ATXN1: variants seen among roughly 807,000 people sequenced by gnomAD.
ATXN1 encodes ataxin-1.
ATXN1 carries 8 observed loss-of-function variants against 56.4 expected under a neutral mutation model. The ratio of observed to expected loss-of-function variants is 0.14; its 90% CI spans 0.08 to 0.26. The LOEUF is 0.26. Ranked by LOEUF, ATXN1 falls within the 10% of genes least tolerant of loss-of-function variation. ATXN1 has a pLI of 1.00. For synonymous variants in ATXN1, 514 were observed against 494.6 expected (o/e 1.04, Z -0.52); for missense variants, 987 against 1,106.5 (o/e 0.89, Z 1.53).
intron 5 of ATXN1, among the ~76,000 whole-genome samples, chr6:16,504,160 C>T (rs1760937800): frequency 6.6e-6 from 1 of 152,156 alleles, no homozygotes; most frequent in Non-Finnish European, 1.5e-5. Context: ...CTCCTGCCTA[C>T]TAGCTTAGCT....
chr6:16,685,352 G>A (rs1336773087), intron 2 of ATXN1, among the ~76,000 whole-genome samples: 1 of 152,108 alleles, frequency 6.6e-6, no homozygotes, highest in Non-Finnish European at 1.5e-5. Flanking sequence ...CAGAATAAGT[G>A]GAGTGTGGAG....
intron 6 of ATXN1, among the ~76,000 whole-genome samples, chr6:16,363,022 G>A (rs1761845003): frequency 6.6e-6 from 1 of 152,184 alleles, no homozygotes; most frequent in Admixed American, 6.5e-5. Context: ...CTATATGTAT[G>A]CTGTTCCTTT....
At chr6:16,490,619 G>A (rs193281957) in intron 5 of ATXN1, among the ~76,000 whole-genome samples, 31 of 152,242 alleles carry the variant, frequency 2.0e-4, no homozygotes, top group South Asian at 6.2e-4. Context: ...GTCTGATACA[G>A]TTCACTAGTA....
rs10650162 is a variant in ATXN1 at position 16,428,118 on chromosome 6, CT to C, written c.-161+57853del. Among the ~76,000 whole-genome samples, 292 of 133,504 alleles carry C rather than the reference CT, an allele frequency of 2.2e-3. 2 individuals carry two copies. Among genetic ancestry groups the C allele is most frequent in the African/African-American group, 7.1e-3 (251 of 35,216 alleles). 87.6% of individuals were successfully genotyped at this position (133,504 alleles called of 152,430 possible). A position where few individuals can be genotyped will look rare whatever the true frequency, so the allele number is the denominator to read the frequency against. ...GCCTCTTGTCTCTGGTAGACCAGGCCTTTTTTTTTTTTTTTCTGAGATGTAG... is the reference window on the plus strand; with the variant it reads ...GCCTCTTGTCTCTGGTAGACCAGGCCTTTTTTTTTTTTTTCTGAGATGTAG... On this transcript the variant is annotated intron_variant, in intron 6 of 7. Coordinates refer to ENST00000436367, the MANE Select transcript of ATXN1 (RefSeq NM_001128164.2).
intron 1 of ATXN1, among the ~76,000 whole-genome samples, chr6:16,757,347 A>T (rs1760917125): frequency 6.6e-6 from 1 of 152,210 alleles, no homozygotes; most frequent in Admixed American, 6.5e-5. Context: ...TGCACTGAAA[A>T]ATATATGTTC....
chr6:16,409,746 A>G (rs1467823239), intron 6 of ATXN1, among the ~76,000 whole-genome samples: 1 of 151,950 alleles, frequency 6.6e-6, no homozygotes, highest in Non-Finnish European at 1.5e-5. Context: ...CAATTTTAAA[A>G]GCTTCCAGAC....
At chr6:16,549,073 G>T (rs1298440093) in intron 4 of ATXN1, among the ~76,000 whole-genome samples, 1 of 151,924 alleles carries the variant, frequency 6.6e-6, no homozygotes, top group African/African-American at 2.4e-5. Context: ...TAACACACAT[G>T]GACCTGTCAT....
intron 6 of ATXN1, among the ~76,000 whole-genome samples, chr6:16,385,397 T>C (rs1443814259): frequency 1.3e-5 from 2 of 152,164 alleles, no homozygotes; most frequent in East Asian, 3.9e-4. Context: ...TGAGCTGTCA[T>C]CAGGTTTGGC....
At chr6:16,487,909 A>T (rs573695572) in intron 5 of ATXN1, among the ~76,000 whole-genome samples, 1 of 152,308 alleles carries the variant, frequency 6.6e-6, no homozygotes, top group East Asian at 1.9e-4. Flanking sequence ...TTCCAGGTAG[A>T]GGAAACAGTC....
At chr6:16,561,086 T>C (rs939842781) in intron 4 of ATXN1, among the ~76,000 whole-genome samples, 3 of 152,240 alleles carry the variant, frequency 2.0e-5, no homozygotes, top group African/African-American at 7.2e-5. Flanking sequence ...TTATGAAATA[T>C]TCTATAAAAG....
chr6:16,491,468 TAG>T (rs1760663530), intron 5 of ATXN1, among the ~76,000 whole-genome samples: 1 of 151,786 alleles, frequency 6.6e-6, no homozygotes, highest in Non-Finnish European at 1.5e-5. Context: ...GTATTTTTAG[TAG>T]AGACAGGGTT....
intron 6 of ATXN1, among the ~76,000 whole-genome samples, chr6:16,420,440 T>C (rs1438249445): frequency 1.3e-5 from 2 of 152,216 alleles, no homozygotes; most frequent in Admixed American, 1.3e-4. Flanking sequence ...AACAATAGCT[T>C]AGCTATTAGA....
At chr6:16,426,621 G>GTGTGTT (rs1759161153) in intron 6 of ATXN1, among the ~76,000 whole-genome samples, 2 of 150,266 alleles carry the variant, frequency 1.3e-5, no homozygotes, top group African/African-American at 4.9e-5. Flanking sequence ...GTGTGTGTGT[G>GTGTGTT]AGAGAGAGAG....
At chr6:16,526,646 T>C (rs1333280819) in intron 4 of ATXN1, among the ~76,000 whole-genome samples, 1 of 151,422 alleles carries the variant, frequency 6.6e-6, no homozygotes, top group East Asian at 1.9e-4. Context: ...GTGCCTGTAA[T>C]CCCAGCTACT....
intron 6 of ATXN1, among the ~76,000 whole-genome samples, chr6:16,334,413 A>G (rs1761066447): frequency 1.3e-5 from 2 of 152,132 alleles, no homozygotes; most frequent in Admixed American, 1.3e-4. Context: ...GGGTTCTTAA[A>G]AAGTATAGTA....
intron 2 of ATXN1, chr6:16,666,481 T>A (rs1758426146): frequency 6.0e-6 from 1 of 165,688 alleles, no homozygotes; most frequent in Non-Finnish European, 1.3e-5. Context: ...CTGATTTCCT[T>A]TCTTCTGGAT....
Position 16,429,709 on chromosome 6 carries a change from A to G in ATXN1, c.-161+56263T>C, listed in dbSNP as rs146672404. On this transcript the variant is annotated intron_variant, in intron 6 of 7. Transcript: ENST00000436367. ...CTGAGATTACAGGTGTGAGCCACTG[A>G]GCCTGGCTGGAGTTTTCTCTTATCA... Among the ~76,000 whole-genome samples the G allele has an allele frequency of 5.7e-3, 866 of 152,162 alleles. 7 individuals carry two copies. Among genetic ancestry groups the G allele is most frequent in the African/African-American group, 0.019 (808 of 41,508 alleles).
chr6:16,564,100 A>G (rs1037942348), intron 4 of ATXN1, among the ~76,000 whole-genome samples: 5 of 152,332 alleles, frequency 3.3e-5, no homozygotes, highest in Admixed American at 3.3e-4. Context: ...CAGGCTTAGC[A>G]GCCTCTCTAA....
chr6:16,549,022 C>G (rs564380761), intron 4 of ATXN1, among the ~76,000 whole-genome samples: 147 of 152,308 alleles, frequency 9.7e-4, no homozygotes, highest in Non-Finnish European at 1.7e-3. Flanking sequence ...CATATCACCT[C>G]TACCTCCACA....
Sources: allele counts gnomAD v4.1 joint callset (sites outside exome capture counted in the v4.1 genomes callset), GRCh38; gene constraint gnomAD v4.1.1; transcripts MANE v1.5; gene names NCBI Gene and HGNC (gene_info 2026-07-23, HGNC 2026-07-21).